Variants in TRPC4 observed in about 807,000 individuals in gnomAD.
TRPC4 encodes the protein transient receptor potential cation channel subfamily C member 4.
TRPC4 carries 49 observed loss-of-function variants against 99.4 expected under a neutral mutation model. That is an observed-to-expected ratio of 0.49 (90% confidence interval 0.39 to 0.63). The LOEUF (loss-of-function observed/expected upper bound fraction) is 0.63. Ranked by LOEUF, TRPC4 falls within the 20% of genes least tolerant of loss-of-function variation. The pLI is 0.00. For missense variants in TRPC4, 898 were observed against 1,152.9 expected (o/e 0.78, Z 3.20); for synonymous variants, 454 against 425.9 (o/e 1.07, Z -0.81).
intron 1 of TRPC4, among the ~76,000 whole-genome samples, chr13:37,796,375 G>A (rs1212096218): frequency 6.6e-6 from 1 of 152,122 alleles, no homozygotes; most frequent in African/African-American, 2.4e-5. Context: ...TTTGACGAAG[G>A]TCATGTGGGC....
At chr13:37,796,220 T>C (rs1309836004) in intron 1 of TRPC4, among the ~76,000 whole-genome samples, 1 of 152,064 alleles carries the variant, frequency 6.6e-6, no homozygotes, top group East Asian at 1.9e-4. Context: ...ATAATAACAA[T>C]AGCAACAACA....
rs9566260 is a variant in TRPC4, at chr13:37,810,891, A to T, written c.-27-27531T>A. Among the ~76,000 whole-genome samples, 241 of 152,100 alleles carry T rather than the reference A, an allele frequency of 1.6e-3. 6 individuals carry two copies. The East Asian group carries it at 0.042, about 27-fold the overall frequency. On this transcript the variant is annotated intron_variant, in intron 1 of 10. Transcript: ENST00000379705. ...ATCTCTCCAACAAACTGATCTCGAA[A>T]TTTTTTGTACTCTATGTATTTTAGT... is the stretch of plus-strand genomic sequence containing the variant.
intron 3 of TRPC4, among the ~76,000 whole-genome samples, chr13:37,726,109 T>C (rs1474503426): frequency 2.0e-5 from 3 of 151,672 alleles, no homozygotes; most frequent in Admixed American, 6.6e-5. Context: ...GGTAGGAGAA[T>C]CACTTGAACC....
chr13:37,702,076 T>G (rs1211538221), intron 3 of TRPC4, among the ~76,000 whole-genome samples: 1 of 152,180 alleles, frequency 6.6e-6, no homozygotes, highest in Non-Finnish European at 1.5e-5. Flanking sequence ...TAAGCGACTG[T>G]GAATTCAAGG....
chr13:37,674,176 T>C (rs1258839086), intron 5 of TRPC4, 52 bp downstream of exon 5: 24 of 1,455,978 alleles, frequency 1.6e-5, no homozygotes, highest in Non-Finnish European at 2.1e-5. Flanking sequence ...GTTGAAAGTA[T>C]ATCATTAATA....
At chr13:37,650,909 G>A (rs1282744821) in intron 8 of TRPC4, among the ~76,000 whole-genome samples, 2 of 152,138 alleles carry the variant, frequency 1.3e-5, no homozygotes, top group African/African-American at 4.8e-5. Flanking sequence ...CAGACAATGA[G>A]GAAGAAATGC....
chr13:37,752,062 A>C (rs1955944383), intron 2 of TRPC4, among the ~76,000 whole-genome samples: 1 of 45,216 alleles, frequency 2.2e-5, no homozygotes, highest in Admixed American at 2.6e-4. Context: ...CCAAAACCTG[A>C]TAAAGCAGAA....
intron 1 of TRPC4, among the ~76,000 whole-genome samples, chr13:37,796,706 A>G (rs1957253925): frequency 1.3e-5 from 2 of 151,840 alleles, no homozygotes; most frequent in South Asian, 2.1e-4. Context: ...TACTCAAGGT[A>G]ATGGACTTAG....
chr13:37,860,453 A>T (rs1236214176), intron 1 of TRPC4, among the ~76,000 whole-genome samples: 1 of 151,440 alleles, frequency 6.6e-6, no homozygotes, highest in Non-Finnish European at 1.5e-5. Flanking sequence ...CAAAGGAACA[A>T]TGTAATAACC....
intron 6 of TRPC4, among the ~76,000 whole-genome samples, chr13:37,663,061 A>G (rs993776784): frequency 6.6e-6 from 1 of 152,218 alleles, no homozygotes; most frequent in Non-Finnish European, 1.5e-5. Flanking sequence ...ATTTTCCAAC[A>G]TGAGTGGTTT....
chr13:37,715,216 A>G (rs1954618614), intron 3 of TRPC4, among the ~76,000 whole-genome samples: 2 of 152,270 alleles, frequency 1.3e-5, no homozygotes, highest in South Asian at 2.1e-4. Context: ...AAGGTATAGT[A>G]TGAGCCACGT....
At chr13:37,687,092 G>A (rs962022891) in intron 4 of TRPC4, among the ~76,000 whole-genome samples, 3 of 151,802 alleles carry the variant, frequency 2.0e-5, no homozygotes, top group African/African-American at 7.3e-5. Context: ...AGCCTCCCGA[G>A]TAGCTGGGAC....
intron 3 of TRPC4, among the ~76,000 whole-genome samples, chr13:37,739,295 G>A (rs1955506248): frequency 6.6e-6 from 1 of 152,096 alleles, no homozygotes; most frequent in South Asian, 2.1e-4. Flanking sequence ...CATGGTAATT[G>A]AATCTCATTC....
At chr13:37,700,783 T>C (rs955939520) in intron 3 of TRPC4, among the ~76,000 whole-genome samples, 7 of 152,160 alleles carry the variant, frequency 4.6e-5, no homozygotes, top group Non-Finnish European at 1.0e-4. Context: ...GTTATATTTG[T>C]TTCAAATGTG....
chr13:37,768,682 A>T (rs1257278953), intron 2 of TRPC4, among the ~76,000 whole-genome samples: 1 of 150,862 alleles, frequency 6.6e-6, no homozygotes, highest in Non-Finnish European at 1.5e-5. Flanking sequence ...GCACACACAC[A>T]CACACACACA....
At position 37,750,570 on chromosome 13, in the gene TRPC4, C is replaced by T. The variant is rs145317193; in HGVS notation, c.379-4115G>A. ...TATGGCAAATTATATTAATAAGTTT[C>T]GGAATATTGAAACATTCTGACTTTC... On this transcript the variant is annotated intron_variant, in intron 2 of 10. Transcript: ENST00000379705. Among the ~76,000 whole-genome samples, 343 of 152,116 alleles carry T rather than the reference C, an allele frequency of 2.3e-3. 8 individuals are homozygous for T. Among genetic ancestry groups the T allele is most frequent in the South Asian group, 1.9e-3 (9 of 4,820 alleles).
At chr13:37,730,174 A>G (rs1955197433) in intron 3 of TRPC4, among the ~76,000 whole-genome samples, 2 of 152,072 alleles carry the variant, frequency 1.3e-5, no homozygotes, top group African/African-American at 4.8e-5. Flanking sequence ...ATCTCTAAAA[A>G]TGTAGCAGAT....
rs9603265 is a variant in TRPC4 at position 37,845,367 on chromosome 13, G to A, written c.-28+24228C>T. On this transcript the variant is annotated intron_variant, in intron 1 of 10. Transcript: ENST00000379705. ...AAAATTCAGAACACTACTCAAAGAA[G>A]TTCAGGAAATTCCAAGAAAATATAG... is the stretch of plus-strand genomic sequence containing the variant. 6.1e-3 allele frequency among the ~76,000 whole-genome samples: 925 copies of A among 152,146 alleles called. 6 individuals are homozygous for A. The highest frequency in any genetic ancestry group is 0.021 in the African/African-American group (868 of 41,530).
chr13:37,761,094 C>G (rs900062868), intron 2 of TRPC4, among the ~76,000 whole-genome samples: 2 of 151,900 alleles, frequency 1.3e-5, no homozygotes, highest in African/African-American at 4.8e-5. Flanking sequence ...GAACAAGGAT[C>G]TGGCTAAAAC....
Sources: allele counts gnomAD v4.1 joint callset (sites outside exome capture counted in the v4.1 genomes callset), GRCh38; gene constraint gnomAD v4.1.1; transcripts MANE v1.5; gene names NCBI Gene and HGNC (gene_info 2026-07-23, HGNC 2026-07-21).